HNRNPC: variants seen among roughly 807,000 people sequenced by gnomAD.
HNRNPC encodes heterogeneous nuclear ribonucleoproteins C1/C2.
HNRNPC carries 3 observed loss-of-function variants against 33.2 expected under a neutral mutation model. The ratio of observed to expected loss-of-function variants is 0.09; its 90% CI spans 0.04 to 0.23. The LOEUF (loss-of-function observed/expected upper bound fraction) is 0.23. Ranked by LOEUF, HNRNPC falls within the 10% of genes least tolerant of loss-of-function variation. The probability of loss-of-function intolerance (pLI) is 1.00; values close to 1 mark genes in which losing one functional copy is unlikely to be tolerated. For missense variants in HNRNPC, 143 were observed against 366.7 expected (o/e 0.39, Z 4.98); for synonymous variants, 121 against 126.7 (o/e 0.96, Z 0.30).
rs577736074 is a variant in HNRNPC at position 21,223,859 on chromosome 14, T to C, written c.365+6460A>G. Among the ~76,000 whole-genome samples the C allele has an allele frequency of 2.0e-5, 3 of 152,176 alleles. No homozygotes were observed. In the South Asian group the frequency reaches 6.2e-4, roughly 32 times the overall value. On this transcript the variant is annotated intron_variant, in intron 5 of 8. Transcript: ENST00000553300. Reference sequence around the variant, plus strand: ...GGCACCTATATGTATGATACACAGGTTCCCAAAAGAAAGATATAATTAACA... The same window carrying C: ...GGCACCTATATGTATGATACACAGGCTCCCAAAAGAAAGATATAATTAACA...
intron 1 of HNRNPC, chr14:21,265,019 A>T (rs1878748258): frequency 6.6e-6 from 1 of 152,176 alleles, no homozygotes; most frequent in African/African-American, 2.4e-5. Flanking sequence ...GTCTCAAAAA[A>T]AAAATTTTTA....
At chr14:21,258,401 AAAG>A (rs928886569) in intron 2 of HNRNPC, among the ~76,000 whole-genome samples, 1 of 152,158 alleles carries the variant, frequency 6.6e-6, no homozygotes, top group African/African-American at 2.4e-5. Context: ...AAAAAAAAAA[AAAG>A]TTCAACATAT....
Position 21,249,071 on chromosome 14 carries a change from G to A in HNRNPC, c.-37+14240C>T, listed in dbSNP as rs544128188. Among the ~76,000 whole-genome samples the A allele has an allele frequency of 2.6e-5, 4 of 152,284 alleles. No homozygotes were observed. The South Asian group carries it at 6.2e-4, about 24-fold the overall frequency. On this transcript the variant is annotated intron_variant, in intron 2 of 8. Transcript: ENST00000553300. ...AGGTGACATCTAAGGATGGGATGGG[G>A]TTTTGAGTTTTTTAAATTTTTCTCA...
At chr14:21,247,242 A>G (rs192492775) in intron 2 of HNRNPC, among the ~76,000 whole-genome samples, 1 of 152,158 alleles carries the variant, frequency 6.6e-6, no homozygotes, top group Non-Finnish European at 1.5e-5. Context: ...ATCCTCTTCT[A>G]CCTAGTTCAT....
At chr14:21,237,800 T>C (rs1341333979) in intron 2 of HNRNPC, among the ~76,000 whole-genome samples, 1 of 151,926 alleles carries the variant, frequency 6.6e-6, no homozygotes, top group Non-Finnish European at 1.5e-5. Context: ...TGAGTTGGAG[T>C]TTCACTCGTT....
intron 2 of HNRNPC, among the ~76,000 whole-genome samples, chr14:21,235,107 T>C (rs1190728710): frequency 1.3e-5 from 2 of 152,160 alleles, no homozygotes; most frequent in African/African-American, 4.8e-5. Flanking sequence ...GGAGGCTCAA[T>C]CCTACCATAA....
intron 2 of HNRNPC, among the ~76,000 whole-genome samples, chr14:21,261,871 C>T (rs1382474455): frequency 1.3e-5 from 2 of 152,124 alleles, no homozygotes; most frequent in Non-Finnish European, 2.9e-5. Context: ...TTTGGCTATC[C>T]ACATCTTTAC....
chr14:21,263,459 A>G (rs952255926), intron 1 of HNRNPC, 123 bp from the exon 2 acceptor site: 1 of 152,280 alleles, frequency 6.6e-6, no homozygotes, highest in Non-Finnish European at 1.5e-5. Flanking sequence ...CCGCAAGGAT[A>G]AAGTTTTCAG....
At chr14:21,233,834 A>C in intron 3 of HNRNPC, 119 bp downstream of exon 3, 2 of 1,252,286 alleles carry the variant, frequency 1.6e-6, no homozygotes, top group Non-Finnish European at 2.2e-6. Flanking sequence ...TATTAGGCTA[A>C]ACAGTCGCAA....
At chr14:21,252,817 G>A (rs1464098329) in intron 2 of HNRNPC, among the ~76,000 whole-genome samples, 1 of 152,118 alleles carries the variant, frequency 6.6e-6, no homozygotes, top group Non-Finnish European at 1.5e-5. Flanking sequence ...TTATTAAAGT[G>A]AGACAAGTAC....
intron 2 of HNRNPC, among the ~76,000 whole-genome samples, chr14:21,251,209 C>T (rs191884797): frequency 4.0e-5 from 5 of 126,254 alleles, no homozygotes; most frequent in Admixed American, 1.0e-4. Flanking sequence ...TGCAGTGAGC[C>T]GAGATCGCAC....
chr14:21,264,513 C>G (rs1337463826), intron 1 of HNRNPC: 1 of 152,178 alleles, frequency 6.6e-6, no homozygotes. Flanking sequence ...CTGTAGTCCA[C>G]TATTTACTAT....
At position 21,213,066 on chromosome 14, in the gene HNRNPC, A is replaced by G. The variant is rs766899240; in HGVS notation, c.417T>C (p.Ala139=). The G allele has an allele frequency of 1.2e-6, 2 of 1,614,080 alleles. No individual in the cohort carries two copies. Among genetic ancestry groups the G allele is most frequent in the African/African-American group, 1.3e-5 (1 of 75,046 alleles). ...RVPPPPPIAR[A]VVPSKRQRVS... Reference sequence around the variant, plus strand: ...CACGCTGACGTTTCGAGGGCACTACAGCCCGAGCAATAGGAGGAGGAGGAG... The same window carrying G: ...CACGCTGACGTTTCGAGGGCACTACGGCCCGAGCAATAGGAGGAGGAGGAG... Residue 139 remains alanine (A), a synonymous_variant, in exon 6 of 9, where the codon GCT becomes GCC. Coordinates refer to ENST00000553300, the MANE Select transcript of HNRNPC (RefSeq NM_004500.4).
chr14:21,213,885 T>C (rs899517547), intron 5 of HNRNPC, among the ~76,000 whole-genome samples: 2 of 152,212 alleles, frequency 1.3e-5, no homozygotes, highest in Non-Finnish European at 1.5e-5. Flanking sequence ...TAAACACTGG[T>C]TGCTCAACTA....
At chr14:21,260,468 C>T (rs911374526) in intron 2 of HNRNPC, among the ~76,000 whole-genome samples, 1 of 151,658 alleles carries the variant, frequency 6.6e-6, no homozygotes, top group African/African-American at 2.4e-5. Context: ...AAAAGGATTC[C>T]CTGACCTCTC....
At chr14:21,257,561 GAA>G (rs747115106) in intron 2 of HNRNPC, among the ~76,000 whole-genome samples, 5 of 138,702 alleles carry the variant, frequency 3.6e-5, no homozygotes, top group African/African-American at 5.3e-5. Context: ...ATAAGTCTTA[GAA>G]AAAAAAAAAA....
At chr14:21,247,424 T>C (rs1208330552) in intron 2 of HNRNPC, among the ~76,000 whole-genome samples, 4 of 152,200 alleles carry the variant, frequency 2.6e-5, no homozygotes, top group Non-Finnish European at 5.9e-5. Flanking sequence ...CGTGACATAT[T>C]TCAATTTTTG....
intron 5 of HNRNPC, among the ~76,000 whole-genome samples, chr14:21,215,501 G>A (rs1566595525): frequency 6.6e-6 from 1 of 152,210 alleles, no homozygotes; most frequent in Non-Finnish European, 1.5e-5. Context: ...AACCCTAGGA[G>A]AATTGTAACT....
At chr14:21,253,656 C>T (rs1377813689) in intron 2 of HNRNPC, among the ~76,000 whole-genome samples, 2 of 152,044 alleles carry the variant, frequency 1.3e-5, no homozygotes, top group Non-Finnish European at 2.9e-5. Flanking sequence ...AGGGTCAAAT[C>T]TTAAAGCAAA....
Sources: allele counts gnomAD v4.1 joint callset (sites outside exome capture counted in the v4.1 genomes callset), GRCh38; gene constraint gnomAD v4.1.1; transcripts MANE v1.5; gene names NCBI Gene and HGNC (gene_info 2026-07-23, HGNC 2026-07-21).